Variants in RBMS3 observed in about 807,000 individuals in gnomAD.
RBMS3 encodes the protein RNA-binding motif, single-stranded-interacting protein 3.
A neutral mutation model predicts 66.8 loss-of-function variants in RBMS3; 27 were observed. The ratio of observed to expected loss-of-function variants is 0.40; its 90% CI spans 0.30 to 0.56. The LOEUF (loss-of-function observed/expected upper bound fraction) is 0.56, where lower values mean the gene tolerates loss of function less well. Among genes scored for constraint, RBMS3 ranks in the 20% least tolerant of loss-of-function variants. RBMS3 has a pLI of 0.40. For missense variants in RBMS3, 513 were observed against 549.5 expected (o/e 0.93, Z 0.66); for synonymous variants, 188 against 183.0 (o/e 1.03, Z -0.22).
At chr3:29,596,466 C>T (rs79685590) in intron 4 of RBMS3, among the ~76,000 whole-genome samples, 6,090 of 152,268 alleles carry the variant, frequency 0.04, 164 homozygotes, top group Admixed American at 0.088. Context: ...TCTTGAACAT[C>T]AGCCTTAATG....
At chr3:29,881,821 G>C (rs2059743545) in intron 7 of RBMS3, among the ~76,000 whole-genome samples, 1 of 152,148 alleles carries the variant, frequency 6.6e-6, no homozygotes, top group African/African-American at 2.4e-5. Flanking sequence ...GTTCAAGACA[G>C]TTTGTAATTC....
At chr3:29,628,001 G>T (rs1027599730) in intron 4 of RBMS3, among the ~76,000 whole-genome samples, 1 of 152,034 alleles carries the variant, frequency 6.6e-6, no homozygotes, top group Admixed American at 6.6e-5. Flanking sequence ...GTCCATTATT[G>T]TTTATATGGA....
At chr3:29,634,449 T>C (rs1365318560) in intron 4 of RBMS3, among the ~76,000 whole-genome samples, 1 of 151,822 alleles carries the variant, frequency 6.6e-6, no homozygotes. Context: ...GTTGCGAACA[T>C]GGGAGCCTCT....
At chr3:29,927,296 T>C (rs984171569) in intron 10 of RBMS3, 1 of 152,224 alleles carries the variant, frequency 6.6e-6, no homozygotes, top group Non-Finnish European at 1.5e-5. Flanking sequence ...GCTGCTGTTA[T>C]TGTTTCACAT....
intron 4 of RBMS3, among the ~76,000 whole-genome samples, chr3:29,715,521 T>C (rs564108809): frequency 1.3e-5 from 2 of 152,270 alleles, no homozygotes; most frequent in African/African-American, 4.8e-5. Flanking sequence ...GTTAGTTCCC[T>C]GGAATCAGTG....
At chr3:29,677,191 C>G (rs116417821) in intron 4 of RBMS3, among the ~76,000 whole-genome samples, 2 of 152,118 alleles carry the variant, frequency 1.3e-5, no homozygotes, top group Non-Finnish European at 2.9e-5. Context: ...CCAATCACCT[C>G]CCACCAAGCC....
chr3:29,486,991 C>A (rs979753093), intron 2 of RBMS3, among the ~76,000 whole-genome samples: 13 of 152,014 alleles, frequency 8.6e-5, no homozygotes, highest in Non-Finnish European at 1.8e-4. Context: ...AAAAAAGATG[C>A]AGTGACATTT....
At chr3:29,406,487 C>G (rs1471760107) in intron 1 of RBMS3, among the ~76,000 whole-genome samples, 1 of 152,158 alleles carries the variant, frequency 6.6e-6, no homozygotes, top group African/African-American at 2.4e-5. Flanking sequence ...CTATGTCTGG[C>G]TGAAAGGTGG....
chr3:29,645,443 C>A (rs996292083), intron 4 of RBMS3, among the ~76,000 whole-genome samples: 4 of 152,172 alleles, frequency 2.6e-5, no homozygotes, highest in Admixed American at 2.0e-4. Context: ...GTATAAGGAA[C>A]AATAATAAAT....
chr3:29,366,313 T>C (rs902877184), intron 1 of RBMS3, among the ~76,000 whole-genome samples: 4 of 152,218 alleles, frequency 2.6e-5, no homozygotes, highest in African/African-American at 2.4e-5. Context: ...TCTAGATTGA[T>C]CAATTTGAGA....
chr3:29,426,254 G>A (rs937110425), intron 1 of RBMS3, among the ~76,000 whole-genome samples: 2 of 152,148 alleles, frequency 1.3e-5, no homozygotes, highest in African/African-American at 4.8e-5. Context: ...AGATGTCACT[G>A]CCATTTGAAA....
intron 1 of RBMS3, among the ~76,000 whole-genome samples, chr3:29,407,869 A>C (rs1328652411): frequency 6.6e-6 from 1 of 152,226 alleles, no homozygotes; most frequent in Non-Finnish European, 1.5e-5. Flanking sequence ...AATAGAATTC[A>C]CACTATTAAT....
intron 3 of RBMS3, among the ~76,000 whole-genome samples, chr3:29,499,511 C>A (rs2043885011): frequency 6.6e-6 from 1 of 152,080 alleles, no homozygotes; most frequent in Admixed American, 6.5e-5. Flanking sequence ...AAAATATTGG[C>A]AATATAAGTA....
At chr3:29,459,713 T>A (rs2042308703) in intron 2 of RBMS3, among the ~76,000 whole-genome samples, 1 of 152,078 alleles carries the variant, frequency 6.6e-6, no homozygotes, top group South Asian at 2.1e-4. Context: ...ATCACAAGAG[T>A]GTGCTAACTG....
At chr3:29,541,406 T>G (rs1179241215) in intron 3 of RBMS3, among the ~76,000 whole-genome samples, 2 of 150,488 alleles carry the variant, frequency 1.3e-5, no homozygotes, top group Non-Finnish European at 2.9e-5. Flanking sequence ...GCCTAATGTC[T>G]CAAGTTAGCC....
rs188975602 is a variant in RBMS3, at chr3:29,555,102, C to A, written c.308-32012C>A. Among the ~76,000 whole-genome samples the A allele has an allele frequency of 3.9e-5, 6 of 152,154 alleles. No individual in the cohort carries two copies. In the East Asian group the frequency reaches 1.2e-3, roughly 29 times the overall value. On this transcript the variant is annotated intron_variant, in intron 3 of 14. Coordinates refer to ENST00000383767, the MANE Select transcript of RBMS3 (RefSeq NM_001003793.3). Reference sequence around the variant, plus strand: ...CTTAGCAGGGTGTTAGACCTTGGGGCTGTTAAGATAAAAATCAATATCTAT... The same window carrying A: ...CTTAGCAGGGTGTTAGACCTTGGGGATGTTAAGATAAAAATCAATATCTAT...
intron 4 of RBMS3, among the ~76,000 whole-genome samples, chr3:29,688,050 T>C (rs2149269031): frequency 6.6e-6 from 1 of 152,330 alleles, no homozygotes; most frequent in South Asian, 2.1e-4. Context: ...TCTAAACTGA[T>C]ATTATTTTCA....
chr3:29,641,179 A>T (rs2049692989), intron 4 of RBMS3: 1 of 152,034 alleles, frequency 6.6e-6, no homozygotes, highest in African/African-American at 2.4e-5. Context: ...GAATCTATTC[A>T]TACATATTGT....
chr3:29,947,276 T>C (rs1055879581), intron 12 of RBMS3, among the ~76,000 whole-genome samples: 2 of 151,730 alleles, frequency 1.3e-5, no homozygotes, highest in Middle Eastern at 3.4e-3. Context: ...AATGTGAACA[T>C]AAAAAGTGAC....
Sources: gnomAD v4.1 joint callset for allele counts (sites outside exome capture counted in the v4.1 genomes callset) on GRCh38, gnomAD v4.1.1 for gene constraint, MANE v1.5 for transcripts, NCBI Gene and HGNC (gene_info 2026-07-23, HGNC 2026-07-21) for gene names.